The following RBFOX1 variants were observed in gnomAD, a reference collection of about 807,000 sequenced individuals.
RBFOX1 encodes the protein RNA binding fox-1 homolog 1.
A neutral mutation model predicts 57.7 loss-of-function variants in RBFOX1; 8 were observed. The observed-to-expected ratio is 0.14, with a 90% CI of 0.08 to 0.25. The LOEUF is 0.25. Among genes scored for constraint, RBFOX1 ranks in the 10% least tolerant of loss-of-function variants. RBFOX1 has a pLI of 1.00. For synonymous variants in RBFOX1, 326 were observed against 222.4 expected (o/e 1.47, Z -4.15); for missense variants, 611 against 548.5 (o/e 1.11, Z -1.14).
intron 3 of RBFOX1, among the ~76,000 whole-genome samples, chr16:5,794,335 T>A: frequency 6.6e-6 from 1 of 152,068 alleles, no homozygotes; most frequent in East Asian, 1.9e-4. Flanking sequence ...TTCCTCATCC[T>A]TTACTAATTC....
intron 6 of RBFOX1, among the ~76,000 whole-genome samples, chr16:7,581,110 A>G (rs911421601): frequency 6.6e-6 from 1 of 152,204 alleles, no homozygotes; most frequent in East Asian, 1.9e-4. Context: ...ATGCTTATCA[A>G]GTATGCATCT....
rs61448458 is a variant in RBFOX1 at position 7,486,117 on chromosome 16, C to CTTTT, written c.28-32010_28-32007dup. ...TCTGTGGGTATTTGTGTGTTTGTGT[C>CTTTT]TTTTTTTTTTTTTTTTTTTTTTTGA... is the stretch of plus-strand genomic sequence containing the variant. On this transcript the variant is annotated intron_variant, in intron 4 of 15. Transcript: ENST00000550418. Among the ~76,000 whole-genome samples the CTTTT allele has an allele frequency of 4.4e-3, 340 of 77,304 alleles. 9 individuals carry two copies. The highest frequency in any genetic ancestry group is 0.014 in the Middle Eastern group (1 of 70). The allele number at this position is 77,304 out of a possible 152,430, so 50.7% of individuals were successfully genotyped here.
intron 4 of RBFOX1, among the ~76,000 whole-genome samples, chr16:7,140,157 C>CTCT (rs2073295791): frequency 5.2e-4 from 37 of 70,882 alleles, no homozygotes; most frequent in African/African-American, 1.5e-3. Context: ...TCCTTCTCTC[C>CTCT]CTCTCTCTCT....
At chr16:7,654,600 C>T (rs781338854) in intron 12 of RBFOX1, among the ~76,000 whole-genome samples, 1 of 152,006 alleles carries the variant, frequency 6.6e-6, no homozygotes, top group African/African-American at 2.4e-5. Flanking sequence ...TTTGATATTG[C>T]CAGGCGAATG....
intron 3 of RBFOX1, among the ~76,000 whole-genome samples, chr16:6,718,660 C>A (rs1426723678): frequency 6.6e-6 from 1 of 152,012 alleles, no homozygotes; most frequent in African/African-American, 2.4e-5. Flanking sequence ...ACGGACTTCC[C>A]CCTTGCTGTT....
At chr16:6,534,621 A>T in intron 2 of RBFOX1, among the ~76,000 whole-genome samples, 1 of 152,182 alleles carries the variant, frequency 6.6e-6, no homozygotes, top group Non-Finnish European at 1.5e-5. Flanking sequence ...ACTAATCGTC[A>T]CAAGACCGCA....
intron 3 of RBFOX1, among the ~76,000 whole-genome samples, chr16:5,753,935 C>T (rs1022276692): frequency 2.0e-5 from 3 of 152,076 alleles, no homozygotes; most frequent in Admixed American, 6.6e-5. Context: ...GTCCATCCCC[C>T]ACTCCTCTCT....
In RBFOX1 at chr16:7,103,143, C is replaced by A. The variant is rs186425182; in HGVS notation, c.27+51045C>A. Among the ~76,000 whole-genome samples, 632 of 151,662 alleles carry A rather than the reference C, an allele frequency of 4.2e-3. 3 individuals carry two copies. Among genetic ancestry groups the A allele is most frequent in the Admixed American group, 7.6e-3 (116 of 15,218 alleles). On this transcript the variant is annotated intron_variant, in intron 4 of 15. Transcript: ENST00000550418. ...TCCAAGCTGTCGGACCAAAGTATTA[C>A]TGAAAGTTATTCCATTTGAGGATTT...
At chr16:6,585,822 G>T (rs1295483935) in intron 2 of RBFOX1, among the ~76,000 whole-genome samples, 1 of 151,968 alleles carries the variant, frequency 6.6e-6, no homozygotes, top group Non-Finnish European at 1.5e-5. Context: ...ATTTGTGTAG[G>T]GGTCTGTGCA....
At chr16:6,870,997 G>A (rs1457690253) in intron 3 of RBFOX1, among the ~76,000 whole-genome samples, 2 of 152,170 alleles carry the variant, frequency 1.3e-5, no homozygotes, top group Non-Finnish European at 2.9e-5. Flanking sequence ...ACTATCCAGT[G>A]AATAACAGAT....
intron 2 of RBFOX1, among the ~76,000 whole-genome samples, chr16:6,462,704 C>T (rs1260456871): frequency 6.6e-6 from 1 of 151,272 alleles, no homozygotes; most frequent in Admixed American, 6.6e-5. Flanking sequence ...TACCCCCCAC[C>T]GCCCCCCACA....
At chr16:5,924,290 C>T (rs1023118539) in intron 4 of RBFOX1, among the ~76,000 whole-genome samples, 1 of 152,132 alleles carries the variant, frequency 6.6e-6, no homozygotes, top group African/African-American at 2.4e-5. Flanking sequence ...TGGACTAATA[C>T]ACCTACTGCT....
intron 2 of RBFOX1, among the ~76,000 whole-genome samples, chr16:6,557,031 ATACAC>A (rs2097109660): frequency 8.0e-6 from 1 of 124,444 alleles, no homozygotes; most frequent in African/African-American, 4.4e-5. Context: ...ATATACATAT[ATACAC>A]ATATATATAC....
chr16:5,949,284 TTGG>T (rs1173396851), intron 4 of RBFOX1, among the ~76,000 whole-genome samples: 2 of 152,032 alleles, frequency 1.3e-5, no homozygotes, highest in African/African-American at 4.8e-5. Context: ...ATACAGGCTT[TTGG>T]AGGCTGAGGC....
At chr16:6,969,207 C>T (rs1290418308) in intron 3 of RBFOX1, among the ~76,000 whole-genome samples, 1 of 152,122 alleles carries the variant, frequency 6.6e-6, no homozygotes, top group East Asian at 1.9e-4. Context: ...ATTCCCAGTC[C>T]TTCACCTGTT....
chr16:5,668,135 G>A lies in RBFOX1; in HGVS notation c.318+69174G>A, dbSNP rs192044911. On this transcript the variant is annotated intron_variant, in intron 3 of 19. Transcript: ENST00000641259. ...GTCTCTACTAAAAATACAAAAATTA[G>A]CTAGGCATGGTGGCATGTGCCCATA... is the stretch of plus-strand genomic sequence containing the variant. Among the ~76,000 whole-genome samples the A allele has an allele frequency of 1.4e-4, 22 of 152,194 alleles. No homozygotes were observed. In the East Asian group the frequency reaches 3.1e-3, roughly 21 times the overall value.
At chr16:7,464,249 G>C (rs1288263136) in intron 4 of RBFOX1, among the ~76,000 whole-genome samples, 3 of 152,150 alleles carry the variant, frequency 2.0e-5, no homozygotes, top group African/African-American at 4.8e-5. Flanking sequence ...TGTATATAAT[G>C]GTGGACAGTT....
intron 1 of RBFOX1, among the ~76,000 whole-genome samples, chr16:6,073,542 G>C (rs2095860973): frequency 6.6e-6 from 1 of 152,182 alleles, no homozygotes; most frequent in Non-Finnish European, 1.5e-5. Context: ...TGTTGAATTA[G>C]CTGAAGCATT....
At chr16:7,104,393 A>T (rs370652012) in intron 4 of RBFOX1, among the ~76,000 whole-genome samples, 2 of 152,106 alleles carry the variant, frequency 1.3e-5, no homozygotes, top group African/African-American at 2.4e-5. Context: ...CCCCATCAGG[A>T]CAGTATGCCC....
Sources: gnomAD v4.1 joint callset for allele counts (sites outside exome capture counted in the v4.1 genomes callset) on GRCh38, gnomAD v4.1.1 for gene constraint, MANE v1.5 for transcripts, NCBI Gene and HGNC (gene_info 2026-07-23, HGNC 2026-07-21) for gene names.